Variants in BRCA1 observed in about 807,000 individuals in gnomAD.
BRCA1 encodes BRCA1 DNA repair associated.
In BRCA1, 140 loss-of-function variants were observed where a neutral mutation model predicts 173.7. The ratio of observed to expected loss-of-function variants is 0.81; its 90% confidence interval spans 0.70 to 0.93. The LOEUF (loss-of-function observed/expected upper bound fraction) is 0.93. BRCA1 is among the 40% of genes least tolerant of loss of function. BRCA1 has a pLI of 0.00. For synonymous variants in BRCA1, 662 were observed against 756.0 expected (o/e 0.88, Z 2.04); for missense variants, 1,983 against 2,172.5 (o/e 0.91, Z 1.73).
chr17:43,056,931 A>T (rs2153332926), intron 19 of BRCA1, 121 bp downstream of exon 19: 1 of 890,828 alleles, frequency 1.1e-6, no homozygotes, highest in East Asian at 2.4e-5. Context: ...GTGTGAAAGT[A>T]TCTAGCACTG....
chr17:43,132,088 TATC>T (rs2055971594), intron 1 of BRCA1, among the ~76,000 whole-genome samples: 1 of 152,180 alleles, frequency 6.6e-6, no homozygotes, highest in African/African-American at 2.4e-5. Context: ...CCAGCCAGGA[TATC>T]ATCATATTTA....
chr17:43,102,320 C>T (rs1342274337), intron 6 of BRCA1, among the ~76,000 whole-genome samples: 2 of 150,458 alleles, frequency 1.3e-5, no homozygotes, highest in African/African-American at 2.5e-5. Flanking sequence ...ATCCACTTGA[C>T]TCGGCCTCCC....
intron 12 of BRCA1, among the ~76,000 whole-genome samples, chr17:43,080,470 T>A (rs2154121899): frequency 6.6e-6 from 1 of 151,498 alleles, no homozygotes; most frequent in East Asian, 2.0e-4. Flanking sequence ...GTGCTGGGGT[T>A]ACAGGCGTGA....
intron 1 of BRCA1, 139 bp from the exon 2 acceptor site, chr17:43,124,254 A>G: frequency 1.7e-6 from 1 of 589,578 alleles, no homozygotes. Flanking sequence ...AACTAATGAC[A>G]ACGTCCTTTA....
intron 13 of BRCA1, 55 bp from the exon 14 acceptor site, chr17:43,074,576 T>C: frequency 6.6e-7 from 1 of 1,514,184 alleles, no homozygotes; most frequent in Non-Finnish European, 9.1e-7. Context: ...AAAGGACAAA[T>C]CATACTTGCT....
intron 15 of BRCA1, among the ~76,000 whole-genome samples, chr17:43,070,155 T>G (rs776615007): frequency 2.6e-5 from 4 of 152,004 alleles, no homozygotes; most frequent in Admixed American, 2.0e-4. Context: ...CTGGTCTTGA[T>G]CTCCTGACCT....
At chr17:43,129,108 T>G (rs1353378897), upstream of BRCA1, among the ~76,000 whole-genome samples, 1 of 152,334 alleles carries the variant, frequency 6.6e-6, no homozygotes, top group Admixed American at 6.5e-5. Flanking sequence ...CAAGACAAGG[T>G]GAGTCAGTCA....
At chr17:43,072,143 T>C (rs2052477477) in intron 14 of BRCA1, among the ~76,000 whole-genome samples, 1 of 152,012 alleles carries the variant, frequency 6.6e-6, no homozygotes, top group Admixed American at 6.5e-5. Flanking sequence ...ATCCCAGCAC[T>C]TTGGGAGGCC....
intron 7 of BRCA1, 48 bp from the exon 8 acceptor site, chr17:43,097,337 T>C: frequency 7.0e-7 from 1 of 1,426,190 alleles, no homozygotes; most frequent in Non-Finnish European, 9.8e-7. Flanking sequence ...TTTTCTTAAT[T>C]AAAAGGGTTA....
chr17:43,145,569 G>A (rs372229030), intron 1 of BRCA1, among the ~76,000 whole-genome samples: 141 of 152,050 alleles, frequency 9.3e-4, no homozygotes, highest in African/African-American at 3.0e-3. Flanking sequence ...CTCGTGATCC[G>A]CCCGCCTCGG....
At chr17:43,085,798 C>G (rs1187389113) in intron 11 of BRCA1, among the ~76,000 whole-genome samples, 3 of 152,118 alleles carry the variant, frequency 2.0e-5, no homozygotes, top group African/African-American at 7.2e-5. Flanking sequence ...TGGAGGGAAG[C>G]AGAGTGTATA....
chr17:43,106,380 C>T (rs772131942), intron 4 of BRCA1, 76 bp downstream of exon 4: 21 of 932,478 alleles, frequency 2.3e-5, no homozygotes, highest in South Asian at 1.4e-4. Flanking sequence ...TTTATAGGAA[C>T]GCTATGTTAT....
chr17:43,143,006 A>G (rs907449242), intron 1 of BRCA1, among the ~76,000 whole-genome samples: 5 of 149,378 alleles, frequency 3.3e-5, no homozygotes, highest in African/African-American at 7.4e-5. Context: ...ATATGTATAT[A>G]TGTGTGCATA....
chr17:43,109,927 CTCTG>C (rs2154559394), intron 3 of BRCA1, among the ~76,000 whole-genome samples: 1 of 151,032 alleles, frequency 6.6e-6, no homozygotes, highest in African/African-American at 2.4e-5. Flanking sequence ...CGGAGTCTCG[CTCTG>C]TCTCTCAGGC....
intron 11 of BRCA1, among the ~76,000 whole-genome samples, chr17:43,083,041 C>G (rs1210407891): frequency 2.6e-5 from 4 of 151,976 alleles, no homozygotes; most frequent in Non-Finnish European, 4.4e-5. Flanking sequence ...TTGAAAAAAG[C>G]CCTCTATCTA....
At chr17:43,056,056 C>T (rs1051435590) in intron 19 of BRCA1, among the ~76,000 whole-genome samples, 4 of 152,144 alleles carry the variant, frequency 2.6e-5, no homozygotes, top group African/African-American at 4.8e-5. Context: ...CTCTGAGCCT[C>T]AATTTTCACA....
chr17:43,047,318 T>G (rs2050955750), intron 22 of BRCA1, among the ~76,000 whole-genome samples: 1 of 152,004 alleles, frequency 6.6e-6, no homozygotes, highest in Non-Finnish European at 1.5e-5. Context: ...CAGGCTGGTC[T>G]CGAACTTCTA....
In BRCA1 at chr17:43,105,579, C is replaced by T. The variant is rs1183922946; in HGVS notation, c.213-623G>A. On this transcript the variant is annotated intron_variant, in intron 4 of 22. Coordinates refer to ENST00000357654, the MANE Select transcript of BRCA1 (RefSeq NM_007294.4). ...TTAACATCTGAACCCTGCCCAATCC[C>T]TCACTTAGTTCTGCCTCTCAAGGAT... is the stretch of plus-strand genomic sequence containing the variant. Among the ~76,000 whole-genome samples the T allele has an allele frequency of 1.3e-5, 2 of 152,140 alleles. 1 individual carries two copies. The highest frequency in any genetic ancestry group is 4.1e-4 in the South Asian group (2 of 4,828).
At chr17:43,057,508 C>T (rs982661062) in intron 18 of BRCA1, among the ~76,000 whole-genome samples, 11 of 148,872 alleles carry the variant, frequency 7.4e-5, no homozygotes, top group African/African-American at 2.5e-4. Context: ...GAGACTCCAT[C>T]TCGCATCTCA....
Sources: gnomAD v4.1 joint callset for allele counts (sites outside exome capture counted in the v4.1 genomes callset) on GRCh38, gnomAD v4.1.1 for gene constraint, MANE v1.5 for transcripts, NCBI Gene and HGNC (gene_info 2026-07-23, HGNC 2026-07-21) for gene names.